The following CACHD1 variants were observed in gnomAD, a reference collection of about 807,000 sequenced individuals.
The protein encoded by CACHD1 is VWFA and cache domain-containing protein 1.
A neutral mutation model predicts 138.7 loss-of-function variants in CACHD1; 71 were observed. The ratio of observed to expected loss-of-function variants is 0.51; its 90% CI spans 0.42 to 0.62. The LOEUF (loss-of-function observed/expected upper bound fraction) is 0.62, where lower values mean the gene tolerates loss of function less well. CACHD1 is among the 20% of genes least tolerant of loss of function. The probability of loss-of-function intolerance (pLI) is 0.00; values close to 1 mark genes in which losing one functional copy is unlikely to be tolerated. For missense variants in CACHD1, 1,389 were observed against 1,625.3 expected (o/e 0.85, Z 2.50); for synonymous variants, 578 against 591.5 (o/e 0.98, Z 0.33).
intron 22 of CACHD1, 107 bp from the exon 23 acceptor site, chr1:64,678,052 G>A: frequency 8.8e-7 from 1 of 1,135,606 alleles, no homozygotes. Flanking sequence ...GAAATTCACA[G>A]CACTAGTAAG....
chr1:64,541,780 T>A (rs1374323120), intron 1 of CACHD1, among the ~76,000 whole-genome samples: 1 of 152,164 alleles, frequency 6.6e-6, no homozygotes, highest in Admixed American at 6.6e-5. Flanking sequence ...TGCAATGAGA[T>A]GTGATCATGC....
chr1:64,483,240 G>A (rs1032654775), intron 1 of CACHD1, among the ~76,000 whole-genome samples: 4 of 152,118 alleles, frequency 2.6e-5, no homozygotes, highest in African/African-American at 9.7e-5. Flanking sequence ...AGAAAGTTGG[G>A]CTACATTTAG....
chr1:64,493,424 A>G (rs572526115), intron 1 of CACHD1, among the ~76,000 whole-genome samples: 15 of 152,326 alleles, frequency 9.8e-5, no homozygotes, highest in South Asian at 2.1e-4. Context: ...AAAATGCATC[A>G]CACATTTTAT....
intron 4 of CACHD1, among the ~76,000 whole-genome samples, 168 bp downstream of exon 4, chr1:64,603,080 G>GA (rs1393846804): frequency 1.9e-4 from 26 of 135,110 alleles, no homozygotes; most frequent in African/African-American, 4.0e-4. Flanking sequence ...AGAGGAAGAA[G>GA]AAAAAATCAA....
At position 64,659,081 on chromosome 1, in the gene CACHD1, G is replaced by A. The variant is rs111437633; in HGVS notation, c.1951+208G>A. Among the ~76,000 whole-genome samples the A allele has an allele frequency of 3.8e-3, 578 of 152,192 alleles. 3 individuals carry two copies. Among genetic ancestry groups the A allele is most frequent in the Non-Finnish European group, 6.4e-3 (434 of 68,020 alleles). The stretch of plus-strand genomic sequence containing the variant: ...CTGAGACAAGGTTTCGTGTGCTCGC[G>A]ATTTATATAGGATGGGCTTTGAGAA... On this transcript the variant is annotated intron_variant, in intron 13 of 26. Transcript: ENST00000651257.
intron 21 of CACHD1, 44 bp downstream of exon 21, chr1:64,676,027 TAATAATAATA>T (rs1649980810): frequency 2.5e-6 from 1 of 402,324 alleles, no homozygotes; most frequent in Non-Finnish European, 3.4e-6. Flanking sequence ...ATAATAATAA[TAATAATAATA>T]ATACATATGT....
At chr1:64,499,556 C>A (rs1399538) in intron 1 of CACHD1, among the ~76,000 whole-genome samples, 2 of 152,102 alleles carry the variant, frequency 1.3e-5, no homozygotes, top group African/African-American at 4.8e-5. Flanking sequence ...TCAAGGAGTC[C>A]GTGAACTTGA....
chr1:64,598,947 T>C, intron 3 of CACHD1, among the ~76,000 whole-genome samples: 1 of 145,128 alleles, frequency 6.9e-6, no homozygotes, highest in East Asian at 2.0e-4. Flanking sequence ...AATATTAATA[T>C]ATATTAATAT....
At chr1:64,497,226 T>C (rs1646311282) in intron 1 of CACHD1, among the ~76,000 whole-genome samples, 1 of 152,182 alleles carries the variant, frequency 6.6e-6, no homozygotes, top group Non-Finnish European at 1.5e-5. Flanking sequence ...AGGGCTTTGA[T>C]TTGCAGTGGT....
chr1:64,509,533 G>C (rs1196246775), intron 1 of CACHD1, among the ~76,000 whole-genome samples: 3 of 152,142 alleles, frequency 2.0e-5, no homozygotes. Context: ...GAAGGAAAAG[G>C]ATCTCAGGGT....
chr1:64,667,880 G>A (rs568072258), intron 16 of CACHD1, among the ~76,000 whole-genome samples: 51 of 152,210 alleles, frequency 3.4e-4, no homozygotes, highest in Non-Finnish European at 7.1e-4. Flanking sequence ...GAGGGCAAGG[G>A]TAGGGGCAGA....
At chr1:64,613,105 T>C (rs933144357) in intron 4 of CACHD1, among the ~76,000 whole-genome samples, 1 of 152,200 alleles carries the variant, frequency 6.6e-6, no homozygotes, top group Non-Finnish European at 1.5e-5. Flanking sequence ...ACTGCAAATG[T>C]GGTAGAAATA....
intron 13 of CACHD1, among the ~76,000 whole-genome samples, chr1:64,659,764 A>G (rs911374461): frequency 3.9e-5 from 6 of 152,324 alleles, no homozygotes; most frequent in African/African-American, 1.2e-4. Flanking sequence ...TCACTGTTGA[A>G]AAGACTTAGG....
chr1:64,470,951 C>T lies in CACHD1; in HGVS notation c.198+9C>T, dbSNP rs943553414. The T allele has an allele frequency of 1.3e-6, 2 of 1,588,496 alleles. No homozygotes were observed. The highest frequency in any genetic ancestry group is 2.3e-5 in the East Asian group (1 of 44,126). On this transcript the variant is annotated intron_variant, in intron 1 of 26. Coordinates refer to ENST00000651257, the MANE Select transcript of CACHD1 (RefSeq NM_020925.4). The surrounding 1 kb of genome is among the most constrained non-coding windows in gnomAD (Gnocchi z 5.2). ...GGGTCGTCACCATGCAGGTAAGTGG[C>T]CCCCGAGCTGGCCAGACATCCCGCC...
At chr1:64,664,130 T>C (rs1649545883) in intron 14 of CACHD1, 1 of 470,418 alleles carries the variant, frequency 2.1e-6, no homozygotes, top group African/African-American at 1.9e-5. Context: ...AGCCCTGTCT[T>C]ACCCAGAGGA....
chr1:64,619,120 C>T (rs568153618), intron 4 of CACHD1, among the ~76,000 whole-genome samples: 1 of 152,168 alleles, frequency 6.6e-6, no homozygotes, highest in Admixed American at 6.5e-5. Context: ...GTTTTGACTG[C>T]AGAGGCTGAT....
In CACHD1 at chr1:64,654,787, G is replaced by T; in HGVS notation, c.1766G>T (p.Ser589Ile). 6.2e-7 allele frequency: 1 copy of T among 1,611,550 alleles called. No individual in the cohort carries two copies. The highest frequency in any genetic ancestry group is 8.5e-7 in the Non-Finnish European group (1 of 1,177,690). ...RETGKEAYNV[S>I]YAWKMVQDTS... ...ACTGGAAAGGAAGCCTACAATGTTA[G>T]CTATGCCTGGAAGATGGTGAGTGAG... is the stretch of plus-strand genomic sequence containing the variant. Residue 589 changes from serine to isoleucine, a missense_variant, in exon 12 of 27, where the codon AGC becomes ATC. Around this residue, in one of 5 missense-constraint regions of CACHD1, gnomAD observed 1,000 missense variants for 1,114.7 expected, o/e 0.90. Transcript: ENST00000651257.
chr1:64,566,481 C>CCCG (rs753339576), intron 2 of CACHD1, among the ~76,000 whole-genome samples: 2 of 49,048 alleles, frequency 4.1e-5, no homozygotes, highest in South Asian at 9.2e-4. Context: ...TTTTCAATTC[C>CCCG]CCCCCCCCCA....
chr1:64,661,968 T>G (rs531044568), intron 13 of CACHD1, among the ~76,000 whole-genome samples: 4 of 152,150 alleles, frequency 2.6e-5, no homozygotes, highest in African/African-American at 9.6e-5. Flanking sequence ...AGAGCTAACA[T>G]GAGAGAGAGG....
Sources: allele counts gnomAD v4.1 joint callset (sites outside exome capture counted in the v4.1 genomes callset), GRCh38; gene constraint gnomAD v4.1.1; regional missense constraint gnomAD v4.1.1; non-coding constraint Gnocchi (gnomAD v3.1); transcripts MANE v1.5; gene names NCBI Gene and HGNC (gene_info 2026-07-23, HGNC 2026-07-21).